The following SCN10A variants were observed in gnomAD, a reference collection of about 807,000 sequenced individuals.
SCN10A encodes sodium voltage-gated channel alpha subunit 10, also known as sodium channel protein type 10 subunit alpha.
SCN10A carries 162 observed loss-of-function variants against 170.7 expected under a neutral mutation model. The observed-to-expected ratio is 0.95, with a 90% confidence interval of 0.84 to 1.08. The LOEUF is 1.08. Among genes scored for constraint, SCN10A ranks in the 50% least tolerant of loss-of-function variants. The pLI is 0.00. For missense variants in SCN10A, 2,527 were observed against 2,436.9 expected, an observed-to-expected ratio of 1.04 and a Z score of -0.78; for synonymous variants, 985 against 904.6, an observed-to-expected ratio of 1.09 and a Z score of -1.59.
chr3:38,728,941 C>A, intron 15 of SCN10A, 40 bp from the exon 16 acceptor site: 1 of 1,551,980 alleles, frequency 6.4e-7, no homozygotes, highest in Non-Finnish European at 8.7e-7. Context: ...GGTAGCTGTG[C>A]TCATTACCTT....
At chr3:38,805,553 A>G (rs1018988723) in intron 1 of SCN10A, among the ~76,000 whole-genome samples, 2 of 152,138 alleles carry the variant, frequency 1.3e-5, no homozygotes, top group African/African-American at 2.4e-5. Flanking sequence ...TAAGCTGTCC[A>G]TTGCCTCAAA....
chr3:38,741,890 A>G (rs1367406415), intron 14 of SCN10A, among the ~76,000 whole-genome samples: 1 of 152,218 alleles, frequency 6.6e-6, no homozygotes, highest in African/African-American at 2.4e-5. Context: ...AAAAGTAATT[A>G]CATTGGAAGG....
intron 15 of SCN10A, among the ~76,000 whole-genome samples, chr3:38,735,706 A>G (rs2063553481): frequency 6.6e-6 from 1 of 152,262 alleles, no homozygotes; most frequent in African/African-American, 2.4e-5. Flanking sequence ...TGGTGCCAGG[A>G]TAGACCAATG....
At chr3:38,799,831 C>T (rs1180895484) in intron 1 of SCN10A, among the ~76,000 whole-genome samples, 2 of 152,082 alleles carry the variant, frequency 1.3e-5, no homozygotes, top group East Asian at 1.9e-4. Flanking sequence ...TCTTGCATCT[C>T]CTGAGGGCCA....
chr3:38,777,915 T>C (rs1437110923), intron 4 of SCN10A, among the ~76,000 whole-genome samples: 1 of 151,998 alleles, frequency 6.6e-6, no homozygotes, highest in Admixed American at 6.6e-5. Context: ...TTCTAGGAGA[T>C]TGAAATACCT....
intron 3 of SCN10A, among the ~76,000 whole-genome samples, chr3:38,790,978 A>G (rs186355136): frequency 2.0e-5 from 3 of 152,332 alleles, no homozygotes; most frequent in Admixed American, 2.0e-4. Flanking sequence ...AACGTAATGC[A>G]ACTTCATCAA....
At chr3:38,748,843 A>C (rs570590018) in intron 13 of SCN10A, among the ~76,000 whole-genome samples, 21 of 152,010 alleles carry the variant, frequency 1.4e-4, no homozygotes, top group African/African-American at 4.6e-4. Context: ...TTCTTACTCT[A>C]CTCTCACAGT....
At chr3:38,815,382 C>T (rs991433423) in intron 1 of SCN10A, among the ~76,000 whole-genome samples, 30 of 152,338 alleles carry the variant, frequency 2.0e-4, no homozygotes, top group African/African-American at 7.0e-4. Flanking sequence ...TTCTGACTCT[C>T]ACCCCCTTGA....
chr3:38,775,449 A>T (rs2064061462), intron 4 of SCN10A, among the ~76,000 whole-genome samples: 1 of 152,230 alleles, frequency 6.6e-6, no homozygotes, highest in Admixed American at 6.5e-5. Flanking sequence ...GTTTACATAT[A>T]TACTACATTT....
Position 38,697,567 on chromosome 3 carries a change from C to A in SCN10A, c.5653G>T (p.Glu1885Ter). ...CCTTCATCTGGGAGTGATGCAGCCTCCTCCTCAGCTCTGGGCACACATGGG... is the reference window on the plus strand; with the variant it reads ...CCTTCATCTGGGAGTGATGCAGCCTACTCCTCAGCTCTGGGCACACATGGG... ...NTPCVPRAEE[E>*]AASLPDEGFV... The change falls in exon 28 of 28, where the codon GAG becomes TAG. Residue 1885 changes from glutamate to a stop codon, truncating the protein, a stop_gained. Coordinates refer to ENST00000449082, the MANE Select transcript of SCN10A (RefSeq NM_006514.4). LOFTEE classifies it low-confidence loss of function (END_TRUNC). The A allele has an allele frequency of 6.2e-7, 1 of 1,614,190 alleles. No homozygotes were observed. Among genetic ancestry groups the A allele is most frequent in the Non-Finnish European group, 8.5e-7 (1 of 1,180,036 alleles).
chr3:38,757,417 G>A (rs972548110), intron 8 of SCN10A, among the ~76,000 whole-genome samples: 7 of 152,192 alleles, frequency 4.6e-5, no homozygotes, highest in Middle Eastern at 3.2e-3. Context: ...GCCCAGACAC[G>A]ATACTATAAG....
In SCN10A at chr3:38,750,851, G is replaced by A. The variant is rs566046950; in HGVS notation, c.1756-667C>T. Among the ~76,000 whole-genome samples, 7 of 152,300 alleles carry A rather than the reference G, an allele frequency of 4.6e-5. No homozygotes were observed. The East Asian group carries it at 1.2e-3, about 25-fold the overall frequency. On this transcript the variant is annotated intron_variant, in intron 12 of 27. Coordinates refer to ENST00000449082, the MANE Select transcript of SCN10A (RefSeq NM_006514.4). ...CAGGAACAGAGAAAGGAGGGTGGGG[G>A]CCCATCACAAGAGAGGCATAAATGC...
chr3:38,705,063 CT>C (rs1294079580), intron 26 of SCN10A, among the ~76,000 whole-genome samples: 1 of 152,226 alleles, frequency 6.6e-6, no homozygotes, highest in Non-Finnish European at 1.5e-5. Flanking sequence ...CATTTGGATG[CT>C]GGTCAGGAGC....
chr3:38,782,866 G>A (rs1440221653), intron 4 of SCN10A, among the ~76,000 whole-genome samples: 1 of 152,104 alleles, frequency 6.6e-6, no homozygotes, highest in Non-Finnish European at 1.5e-5. Context: ...TAAAACAAAT[G>A]TTTGTGTATT....
chr3:38,701,692 T>A, intron 27 of SCN10A, 147 bp downstream of exon 27: 4 of 710,912 alleles, frequency 5.6e-6, no homozygotes, highest in Middle Eastern at 3.9e-4. Context: ...TAAAACTTGC[T>A]ACTCTTGGAA....
chr3:38,772,745 A>ACAG (rs1388829407), intron 4 of SCN10A, among the ~76,000 whole-genome samples: 2 of 151,246 alleles, frequency 1.3e-5, no homozygotes, highest in Non-Finnish European at 2.9e-5. Context: ...ACAAAAAAAA[A>ACAG]AAAACCTGTA....
chr3:38,754,064 A>G (rs6599254), intron 11 of SCN10A, among the ~76,000 whole-genome samples: 105,722 of 152,146 alleles, frequency 0.69, 38,264 homozygotes, highest in African/African-American at 0.91. Flanking sequence ...CAATAAATCA[A>G]TTAGCATTAA....
intron 21 of SCN10A, among the ~76,000 whole-genome samples, chr3:38,715,089 C>G (rs900427634): frequency 6.6e-6 from 1 of 152,194 alleles, no homozygotes. Context: ...ATGGAAGGGA[C>G]CCTCTTCCTT....
intron 1 of SCN10A, among the ~76,000 whole-genome samples, chr3:38,794,695 A>G (rs1020296526): frequency 6.6e-6 from 1 of 152,144 alleles, no homozygotes; most frequent in Non-Finnish European, 1.5e-5. Flanking sequence ...TCAATCTAGA[A>G]CAGTTCCCCT....
Sources: allele counts gnomAD v4.1 joint callset (sites outside exome capture counted in the v4.1 genomes callset), GRCh38; gene constraint gnomAD v4.1.1; transcripts MANE v1.5; gene names NCBI Gene and HGNC (gene_info 2026-07-23, HGNC 2026-07-21).